NOTCH1: variants seen among roughly 807,000 people sequenced by gnomAD.
NOTCH1 encodes the protein neurogenic locus notch homolog protein 1.
Under a neutral mutation model 254.8 loss-of-function variants are expected in NOTCH1, and 37 were observed. The ratio of observed to expected loss-of-function variants is 0.15; its 90% CI spans 0.11 to 0.19. The LOEUF is 0.19. Ranked by LOEUF, NOTCH1 falls within the 10% of genes least tolerant of loss-of-function variation. The probability of loss-of-function intolerance (pLI) is 1.00; values close to 1 mark genes in which losing one functional copy is unlikely to be tolerated. For synonymous variants in NOTCH1, 1,731 were observed against 1,618.1 expected (o/e 1.07, Z -1.68); for missense variants, 2,972 against 3,708.6 (o/e 0.80, Z 5.16).
intron 2 of NOTCH1, among the ~76,000 whole-genome samples, chr9:136,538,195 A>G (rs1843682963): frequency 6.6e-6 from 1 of 152,160 alleles, no homozygotes; most frequent in African/African-American, 2.4e-5. Flanking sequence ...CCCAGGGAGC[A>G]GGGTGGGGTG....
rs1234424555 is a variant in NOTCH1 at position 136,522,968 on chromosome 9, G to A, written c.624C>T (p.Ala208=). 1 of 1,558,324 alleles carries A rather than the reference G, an allele frequency of 6.4e-7. No individual in the cohort carries two copies. Among genetic ancestry groups the A allele is most frequent in the Non-Finnish European group, 8.7e-7 (1 of 1,151,698 alleles). ...EVGSYRCVCR[A]THTGPNCERP... ...GCTCGCAGTTGGGGCCAGTGTGGGT[G>A]GCGCGGCAGACGCAGCGGTAGGAGC... Residue 208 remains alanine (A), a synonymous_variant, in exon 4 of 34, where the codon GCC becomes GCT. Coordinates refer to ENST00000651671, the MANE Select transcript of NOTCH1 (RefSeq NM_017617.5).
Position 136,495,652 on chromosome 9 carries a change from A to G in NOTCH1, c.*419T>C, listed in dbSNP as rs1265667261. ...CCTGGACGCCCCAGGAGCTTTTTGG[A>G]CTATGCTCGTTCAACTTCCCTTCTC... On this transcript the variant is annotated 3_prime_UTR_variant, in exon 34 of 34. Transcript: ENST00000651671. The G allele has an allele frequency of 1.2e-5, 5 of 406,234 alleles. No homozygotes were observed. The South Asian group carries it at 5.6e-4, about 45-fold the overall frequency. The allele number at this position is 406,234 out of a possible 1,614,324, so 25.2% of individuals were successfully genotyped here. A position where few individuals can be genotyped will look rare whatever the true frequency, so the allele number is the denominator to read the frequency against.
chr9:136,519,422 T>C (rs2133372579), intron 5 of NOTCH1, 21 bp downstream of exon 5: 1 of 1,612,372 alleles, frequency 6.2e-7, no homozygotes. Flanking sequence ...TACCCCGCCC[T>C]GCGGCGACCC....
intron 2 of NOTCH1, among the ~76,000 whole-genome samples, chr9:136,529,565 G>A (rs1159928736): frequency 2.0e-5 from 3 of 152,202 alleles, no homozygotes; most frequent in Non-Finnish European, 4.4e-5. Flanking sequence ...CTGGAACCTC[G>A]TTGCTCACAG....
At position 136,495,499 on chromosome 9, in the gene NOTCH1, C is replaced by G; in HGVS notation, c.*572G>C. 2.5e-6 allele frequency: 1 copy of G among 399,414 alleles called. No individual in the cohort carries two copies. The highest frequency in any genetic ancestry group is 6.3e-4 in the Middle Eastern group (1 of 1,588). 24.7% of individuals were successfully genotyped at this position (399,414 alleles called of 1,614,324 possible). On this transcript the variant is annotated 3_prime_UTR_variant, in exon 34 of 34. Transcript: ENST00000651671. ...TTCCTATTTCAGATGCAAATTAATC[C>G]GCGTGCGGAAGGTGAGCCAGCTTTG...
rs7874030 is a variant in NOTCH1 at position 136,507,249 on chromosome 9, T to A, written c.3643+56A>T. ...CTGGCCGGTCCCGGGGTGCCTGCCC[T>A]GCCCCTGCCCTGGCCATGGATGGCC... On this transcript the variant is annotated intron_variant, in intron 22 of 33. Transcript: ENST00000651671. The A allele has an allele frequency of 2.9e-3, 4,708 of 1,611,888 alleles. 119 individuals carry two copies. In the African/African-American group the frequency reaches 0.054, roughly 19 times the overall value.
chr9:136,529,120 T>C (rs1191710416), intron 2 of NOTCH1, among the ~76,000 whole-genome samples: 1 of 152,160 alleles, frequency 6.6e-6, no homozygotes, highest in African/African-American at 2.4e-5. Context: ...GACCACCTTC[T>C]ACCTACGCCA....
intron 2 of NOTCH1, 162 bp downstream of exon 2, chr9:136,543,862 G>A: frequency 1.3e-6 from 1 of 744,578 alleles, no homozygotes; most frequent in South Asian, 1.5e-5. Flanking sequence ...TGGTGATTAA[G>A]TAATTGCCAG....
At position 136,497,020 on chromosome 9, in the gene NOTCH1, G is replaced by A. The variant is rs1181114207; in HGVS notation, c.6719C>T (p.Thr2240Ile). The A allele has an allele frequency of 2.5e-6, 4 of 1,609,492 alleles. No individual in the cohort carries two copies. In the African/African-American group the frequency reaches 4.0e-5, roughly 16 times the overall value. Residue 2240 changes from threonine (T) to isoleucine (I), a missense_variant, in exon 34 of 34, where the codon ACC becomes ATC. By Grantham distance (89) the Thr-to-Ile change is moderately conservative. This residue lies in a region of NOTCH1 where 529 missense variants were observed against 529.2 expected (regional missense o/e 1.00). Coordinates refer to ENST00000651671, the MANE Select transcript of NOTCH1 (RefSeq NM_017617.5). ...PLNHLPGMPD[T>I]HLGIGHLNVA... ...GTTCAGGTGCCCGATGCCCAGGTGG[G>A]TGTCGGGCATCCCAGGCAGGTGGTT...
chr9:136,507,602 C>G (rs1465088995), intron 21 of NOTCH1, among the ~76,000 whole-genome samples, 165 bp from the exon 22 acceptor site: 2 of 152,226 alleles, frequency 1.3e-5, no homozygotes, highest in South Asian at 4.1e-4. Context: ...CCCAGCCCAA[C>G]AGACCCTGGC....
chr9:136,495,941 T>C lies in NOTCH1; in HGVS notation c.*130A>G. 1 of 1,002,784 alleles carries C rather than the reference T, an allele frequency of 1.0e-6. No homozygotes were observed. Among genetic ancestry groups the C allele is most frequent in the Non-Finnish European group, 1.4e-6 (1 of 705,548 alleles). The allele number at this position is 1,002,784 out of a possible 1,614,324, so 62.1% of individuals were successfully genotyped here. ...AAATAAATACTAAAAAAAATTAAAATCCTCGTTCTTATTTTGTATAAAAAC... is the reference window on the plus strand; with the variant it reads ...AAATAAATACTAAAAAAAATTAAAACCCTCGTTCTTATTTTGTATAAAAAC... On this transcript the variant is annotated 3_prime_UTR_variant, in exon 34 of 34. Transcript: ENST00000651671.
In NOTCH1 at chr9:136,497,566, A is replaced by G. The variant is rs755808855; in HGVS notation, c.6181-8T>C. The G allele has an allele frequency of 6.7e-7, 1 of 1,499,990 alleles. No homozygotes were observed. The highest frequency in any genetic ancestry group is 1.4e-5 in the African/African-American group (1 of 71,900). The allele number at this position is 1,499,990 out of a possible 1,614,324, so 92.9% of individuals were successfully genotyped here. ...AAACAGGGGTGTCTCCTCCTGGGGG[A>G]TGAGGGCGGGGGCCGGTGAGGGGGG... On this transcript the variant is annotated splice_region_variant and splice_polypyrimidine_tract_variant and intron_variant, in intron 33 of 33. Transcript: ENST00000651671.
intron 30 of NOTCH1, among the ~76,000 whole-genome samples, 166 bp from the exon 31 acceptor site, chr9:136,501,013 G>A: frequency 6.6e-6 from 1 of 152,342 alleles, no homozygotes; most frequent in South Asian, 2.1e-4. Context: ...AAGTCCGCCT[G>A]GGCTGCTCAG....
rs1389804069 is a variant in NOTCH1, at chr9:136,506,955, T to C, written c.3662A>G (p.Asn1221Ser). ...RGTQGVHCEI[N>S]VDDCNPPVDP... Reference sequence around the variant, plus strand: ...AACGGGGGGATTGCAGTCGTCCACGTTGATCTCACAGTGCACACCTGCGGG... The same window carrying C: ...AACGGGGGGATTGCAGTCGTCCACGCTGATCTCACAGTGCACACCTGCGGG... The change falls in exon 23 of 34, where the codon AAC becomes AGC. Residue 1221 changes from asparagine to serine, a missense_variant. Transcript: ENST00000651671. This position sits in a 1 kb window ranked among gnomAD's most constrained non-coding sequence, Gnocchi z 4.5. 24 of 1,609,016 alleles carry C rather than the reference T, an allele frequency of 1.5e-5. No homozygotes were observed. Among genetic ancestry groups the C allele is most frequent in the Admixed American group, 3.3e-5 (2 of 59,764 alleles).
chr9:136,499,326 G>A (rs542011954), intron 31 of NOTCH1, 67 bp from the exon 32 acceptor site: 29 of 1,580,298 alleles, frequency 1.8e-5, no homozygotes, highest in Non-Finnish European at 2.2e-5. Flanking sequence ...TGCCCAGAAC[G>A]AACGCCTGGA....
At chr9:136,522,383 G>T (rs1235114615) in intron 4 of NOTCH1, among the ~76,000 whole-genome samples, 1 of 152,214 alleles carries the variant, frequency 6.6e-6, no homozygotes, top group East Asian at 1.9e-4. Context: ...GGGGATCGGG[G>T]AGCACTGGGG....
chr9:136,499,660 C>T (rs1004676184), intron 31 of NOTCH1, among the ~76,000 whole-genome samples: 2 of 136,450 alleles, frequency 1.5e-5, no homozygotes, highest in African/African-American at 2.8e-5. Flanking sequence ...AGCTAGTGTC[C>T]GGCTCTGCCC....
chr9:136,497,952 C>T (rs1167356231), intron 33 of NOTCH1, among the ~76,000 whole-genome samples: 2 of 152,166 alleles, frequency 1.3e-5, no homozygotes, highest in Admixed American at 6.5e-5. Context: ...GGAGGGAGCT[C>T]GTCATCTGGA....
At chr9:136,527,882 C>T (rs1234344839) in intron 2 of NOTCH1, among the ~76,000 whole-genome samples, 2 of 152,126 alleles carry the variant, frequency 1.3e-5, no homozygotes, top group African/African-American at 2.4e-5. Context: ...CTGTGCCGCT[C>T]CCGCCACCTC....
Sources: allele counts gnomAD v4.1 joint callset (sites outside exome capture counted in the v4.1 genomes callset), GRCh38; gene constraint gnomAD v4.1.1; regional missense constraint gnomAD v4.1.1; non-coding constraint Gnocchi (gnomAD v3.1); transcripts MANE v1.5; gene names NCBI Gene and HGNC (gene_info 2026-07-23, HGNC 2026-07-21).